NSD1: variants seen among roughly 807,000 people sequenced by gnomAD.
The protein encoded by NSD1 is histone-lysine N-methyltransferase, H3 lysine-36 specific.
Under a neutral mutation model 242.7 loss-of-function variants are expected in NSD1, and 26 were observed. The observed-to-expected ratio is 0.11, with a 90% confidence interval of 0.08 to 0.15. NSD1 has a LOEUF of 0.15. Among genes scored for constraint, NSD1 ranks in the 10% least tolerant of loss-of-function variants. The pLI, the probability that NSD1 is intolerant of heterozygous loss-of-function variation, is 1.00. For synonymous variants in NSD1, 1,106 were observed against 1,178.1 expected (o/e 0.94, Z 1.25); for missense variants, 2,495 against 3,272.8 (o/e 0.76, Z 5.80).
intron 20 of NSD1, among the ~76,000 whole-genome samples, chr5:177,284,243 T>G (rs891017368): frequency 5.9e-5 from 9 of 152,192 alleles, no homozygotes; most frequent in African/African-American, 2.2e-4. Flanking sequence ...TGGACAATAT[T>G]TGTCCTTTTC....
At chr5:177,244,355 GT>G in intron 9 of NSD1, 85 bp downstream of exon 9, 1 of 978,916 alleles carries the variant, frequency 1.0e-6, no homozygotes, top group Non-Finnish European at 1.6e-6. Flanking sequence ...TGTTACATGT[GT>G]AAGCCCGACC....
In NSD1 at chr5:177,294,556, C is replaced by G. The variant is rs2127281876; in HGVS notation, c.7188C>G (p.Ser2396Arg). The G allele has an allele frequency of 6.2e-7, 1 of 1,614,250 alleles. No homozygotes were observed. Among genetic ancestry groups the G allele is most frequent in the Non-Finnish European group, 8.5e-7 (1 of 1,180,040 alleles). Reference protein sequence around the residue: ...LPPPDRLLITSSPKPQTSDRP... With the variant: ...LPPPDRLLITRSPKPQTSDRP... ...CGCCAGACAGACTGCTCATTACTAG[C>G]AGTCCCAAACCCCAGACTTCAGACA... Residue 2396 changes from serine (S) to arginine (R), a missense_variant, in exon 23 of 23, where the codon AGC becomes AGG. By Grantham distance (110) the Ser-to-Arg change is moderately radical. Transcript: ENST00000439151.
chr5:177,264,058 A>ATGGAGTCTGGCTGTGTCGTCAGGC (rs1199638600), intron 14 of NSD1, among the ~76,000 whole-genome samples: 2 of 39,104 alleles, frequency 5.1e-5, no homozygotes, highest in East Asian at 9.9e-4. Context: ...TTTTTTTGAG[A>ATGGAGTCTGGCTGTGTCGTCAGGC]TGGAGTCTGG....
rs780179136 is a variant in NSD1, at chr5:177,210,200, A to G, written c.1801A>G (p.Lys601Glu). 1.4e-5 allele frequency: 23 copies of G among 1,599,250 alleles called. No homozygotes were observed. The South Asian group carries it at 1.9e-4, about 13-fold the overall frequency. Residue 601 changes from lysine to glutamate, a missense_variant, in exon 5 of 23, where the codon AAG (lysine) becomes GAG (glutamate). This residue lies in a region of NSD1 where 515 missense variants were observed against 467.0 expected (regional missense o/e 1.10). Coordinates refer to ENST00000439151, the MANE Select transcript of NSD1 (RefSeq NM_022455.5). The stretch of plus-strand genomic sequence containing the variant: ...CTTGCCTGAGGGTGCTTTGATCTCA[A>G]AGTGTTCTCGAGAGAAGAATAAACC... Reference protein sequence around the residue: ...LGLPEGALISKCSREKNKPQR... With the variant: ...LGLPEGALISECSREKNKPQR...
At chr5:177,286,083 G>C (rs1759301869) in intron 20 of NSD1, among the ~76,000 whole-genome samples, 1 of 151,992 alleles carries the variant, frequency 6.6e-6, no homozygotes, top group Non-Finnish European at 1.5e-5. Context: ...TTTTAGTAGA[G>C]ACTCCTGACC....
intron 2 of NSD1, among the ~76,000 whole-genome samples, chr5:177,156,642 C>A (rs988940589): frequency 6.6e-6 from 1 of 152,068 alleles, no homozygotes; most frequent in Admixed American, 6.6e-5. Context: ...AATATCAAGA[C>A]CCCCTCTTCA....
Position 177,246,809 on chromosome 5 carries a change from TC to T in NSD1, c.4497+15del. 6.4e-7 allele frequency: 1 copy of T among 1,571,246 alleles called. No individual in the cohort carries two copies. The highest frequency in any genetic ancestry group is 8.8e-7 in the Non-Finnish European group (1 of 1,141,124). ...TCCAGGCTCAGAGGTATTACTCAGT[TC>T]CTGATCTTTTCACCTTCTAAAGAGA... On this transcript the variant is annotated intron_variant, in intron 10 of 22. Transcript: ENST00000439151.
intron 21 of NSD1, among the ~76,000 whole-genome samples, chr5:177,290,195 T>C (rs898435111): frequency 6.8e-6 from 1 of 146,604 alleles, no homozygotes; most frequent in African/African-American, 2.6e-5. Context: ...TTTTATATAA[T>C]GGATGGACAT....
chr5:177,283,954 G>C, intron 20 of NSD1, 26 bp downstream of exon 20: 1 of 1,613,900 alleles, frequency 6.2e-7, no homozygotes, highest in Non-Finnish European at 8.5e-7. Flanking sequence ...GGATTCTGCA[G>C]CTGACATCTG....
At chr5:177,229,456 T>TA (rs1280485520) in intron 5 of NSD1, among the ~76,000 whole-genome samples, 3 of 152,220 alleles carry the variant, frequency 2.0e-5, no homozygotes, top group Non-Finnish European at 4.4e-5. Context: ...TTTGCATAAT[T>TA]ACTCCTCTTT....
intron 10 of NSD1, among the ~76,000 whole-genome samples, chr5:177,247,019 A>G (rs577932673): frequency 1.3e-5 from 2 of 152,362 alleles, no homozygotes; most frequent in African/African-American, 2.4e-5. Flanking sequence ...ATCACATCCT[A>G]TGCTGTAGGT....
At chr5:177,278,270 G>A (rs1002866241) in intron 17 of NSD1, among the ~76,000 whole-genome samples, 4 of 152,104 alleles carry the variant, frequency 2.6e-5, no homozygotes, top group Non-Finnish European at 5.9e-5. Context: ...ACCATGCCCG[G>A]CTAAGCTTTA....
intron 2 of NSD1, among the ~76,000 whole-genome samples, chr5:177,143,041 T>C (rs1348986567): frequency 6.6e-6 from 1 of 152,184 alleles, no homozygotes; most frequent in Non-Finnish European, 1.5e-5. Context: ...CATGGTGCCT[T>C]CTTTTTACTG....
chr5:177,148,403 C>T (rs988374310), intron 2 of NSD1, among the ~76,000 whole-genome samples: 2 of 151,974 alleles, frequency 1.3e-5, no homozygotes, highest in African/African-American at 4.8e-5. Flanking sequence ...CAGGCGTGAG[C>T]CACGGCGCCC....
In NSD1 at chr5:177,204,223, A is replaced by G; in HGVS notation, c.1167A>G (p.Arg389=). ...AGKAIVMFEG[R]HQFEELPVLR... ...AAGCAATCGTCATGTTTGAAGGCAG[A>G]CATCAATTCGAAGAGCTACCTGTCC... is the stretch of plus-strand genomic sequence containing the variant. Residue 389 remains arginine (R), a synonymous_variant, in exon 4 of 23, where the codon AGA becomes AGG. Coordinates refer to ENST00000439151, the MANE Select transcript of NSD1 (RefSeq NM_022455.5). The G allele has an allele frequency of 6.2e-7, 1 of 1,614,204 alleles. No individual in the cohort carries two copies. The highest frequency in any genetic ancestry group is 8.5e-7 in the Non-Finnish European group (1 of 1,180,004).
chr5:177,132,524 G>A (rs891056462), upstream of NSD1, among the ~76,000 whole-genome samples: 6 of 151,912 alleles, frequency 3.9e-5, no homozygotes, highest in Non-Finnish European at 7.4e-5. The surrounding 1 kb of genome is among the most constrained non-coding windows in gnomAD (Gnocchi z 7.5). Context: ...GAGGCTGCGA[G>A]GACCCCTGGG....
At chr5:177,266,187 G>A in intron 14 of NSD1, 1 of 1,043,078 alleles carries the variant, frequency 9.6e-7, no homozygotes, top group South Asian at 1.3e-5. Flanking sequence ...ACTCGTAGAA[G>A]AGGCAGTTAG....
intron 14 of NSD1, chr5:177,266,148 C>T (rs779557682): frequency 5.0e-5 from 55 of 1,097,186 alleles, no homozygotes; most frequent in Non-Finnish European, 7.3e-5. Flanking sequence ...AGCCACTTGT[C>T]CGGGCATAGA....
At chr5:177,251,876 T>G (rs754018408) in intron 12 of NSD1, 23 bp downstream of exon 12, 1 of 1,614,056 alleles carries the variant, frequency 6.2e-7, no homozygotes, top group South Asian at 1.1e-5. Context: ...TCGAACGGTC[T>G]TCCTCCAAAG....
Sources: gnomAD v4.1 joint callset for allele counts (sites outside exome capture counted in the v4.1 genomes callset) on GRCh38, gnomAD v4.1.1 for gene constraint, gnomAD v4.1.1 regional missense constraint, Gnocchi (gnomAD v3.1) non-coding constraint, MANE v1.5 for transcripts, NCBI Gene and HGNC (gene_info 2026-07-23, HGNC 2026-07-21) for gene names.